Variants in MND1 observed in about 807,000 individuals in gnomAD.
The protein encoded by MND1 is meiotic nuclear divisions 1, also known as meiotic nuclear division protein 1 homolog.
MND1 carries 28 observed loss-of-function variants against 35.1 expected under a neutral mutation model. The observed-to-expected ratio is 0.80, with a 90% CI of 0.59 to 1.09. The LOEUF (loss-of-function observed/expected upper bound fraction) is 1.09, where lower values mean the gene tolerates loss of function less well. Among genes scored for constraint, MND1 ranks in the 50% least tolerant of loss-of-function variants. The probability of loss-of-function intolerance (pLI) is 0.00; values close to 1 mark genes in which losing one functional copy is unlikely to be tolerated. For synonymous variants in MND1, 69 were observed against 70.5 expected (o/e 0.98, Z 0.11); for missense variants, 213 against 239.6 (o/e 0.89, Z 0.73).
chr4:153,386,170 TG>T (rs1728853761), intron 4 of MND1, among the ~76,000 whole-genome samples: 6 of 151,692 alleles, frequency 4.0e-5, no homozygotes. Flanking sequence ...TGAAGTGTTT[TG>T]TTTTTTGTTT....
chr4:153,399,945 A>G (rs1161348230), intron 6 of MND1, among the ~76,000 whole-genome samples: 1 of 127,014 alleles, frequency 7.9e-6, no homozygotes, highest in Non-Finnish European at 1.5e-5. Flanking sequence ...TCTGTCTCCC[A>G]GACTGAAGTG....
chr4:153,378,038 C>T (rs564522448), intron 4 of MND1, among the ~76,000 whole-genome samples: 10 of 152,120 alleles, frequency 6.6e-5, no homozygotes, highest in East Asian at 1.9e-4. Flanking sequence ...ATATCTTAAT[C>T]GTTTTCTATC....
Position 153,355,651 on chromosome 4 carries a change from CAGAA to C in MND1, c.71_74del (p.Lys24MetfsTer5). On this transcript the variant is annotated splice_acceptor_variant and coding_sequence_variant, in exon 3 of 8. Coordinates refer to ENST00000240488, the MANE Select transcript of MND1 (RefSeq NM_032117.4). LOFTEE classifies it high-confidence loss of function. ...TTCATTTTCTTTAAAACCCTTTAAA[CAGAA>C]AGATGTATTTCAATTAAAAGACTTG... 6.4e-7 allele frequency: 1 copy of C among 1,565,270 alleles called. No homozygotes were observed. Among genetic ancestry groups the C allele is most frequent in the Non-Finnish European group, 8.8e-7 (1 of 1,138,742 alleles).
intron 4 of MND1, among the ~76,000 whole-genome samples, chr4:153,372,137 A>C (rs1773804698): frequency 6.6e-6 from 1 of 152,094 alleles, no homozygotes; most frequent in South Asian, 2.1e-4. Context: ...CATCAAGATC[A>C]CAGATCACCG....
intron 4 of MND1, among the ~76,000 whole-genome samples, chr4:153,394,046 C>T (rs1431421847): frequency 1.4e-5 from 2 of 145,192 alleles, no homozygotes; most frequent in Admixed American, 7.1e-5. Context: ...TACAGGTGTG[C>T]GCCACCACAC....
intron 2 of MND1, among the ~76,000 whole-genome samples, chr4:153,353,387 T>G (rs1311868795): frequency 7.2e-5 from 10 of 139,494 alleles, no homozygotes; most frequent in Non-Finnish European, 1.4e-4. Flanking sequence ...TCACATTTTA[T>G]TCTACTGACT....
intron 7 of MND1, among the ~76,000 whole-genome samples, chr4:153,411,345 G>T (rs1011880174): frequency 6.6e-6 from 1 of 151,996 alleles, no homozygotes; most frequent in Non-Finnish European, 1.5e-5. Flanking sequence ...CAGAAATTCT[G>T]CCCGTCTTAA....
chr4:153,346,496 A>G (rs1014822954), intron 1 of MND1, among the ~76,000 whole-genome samples: 2 of 152,230 alleles, frequency 1.3e-5, no homozygotes, highest in Non-Finnish European at 2.9e-5. Context: ...TATTAGATAA[A>G]TCCTCATTGA....
At chr4:153,377,211 A>G (rs1728535415) in intron 4 of MND1, among the ~76,000 whole-genome samples, 1 of 152,220 alleles carries the variant, frequency 6.6e-6, no homozygotes, top group South Asian at 2.1e-4. Flanking sequence ...TTTGAAATCC[A>G]TACTAAGCTG....
At chr4:153,363,100 T>G in intron 4 of MND1, 1 of 719,592 alleles carries the variant, frequency 1.4e-6, no homozygotes, top group Non-Finnish European at 1.7e-6. Context: ...CTAGCTCTCC[T>G]TGTCTCATGA....
chr4:153,414,097 C>T (rs149628500), intron 7 of MND1, among the ~76,000 whole-genome samples: 80 of 152,120 alleles, frequency 5.3e-4, no homozygotes, highest in African/African-American at 1.9e-3. Flanking sequence ...GAATGTGTTC[C>T]CTTTGGGAAT....
In MND1 at chr4:153,354,583, G is replaced by A. The variant is rs565272621; in HGVS notation, c.70-1071G>A. ...AGTGGCACAGTCATAGCTTACTGCA[G>A]CCTCAACCTCCCAGGCTCAAGCTAT... On this transcript the variant is annotated intron_variant, in intron 2 of 7. Transcript: ENST00000240488. 3.3e-5 allele frequency among the ~76,000 whole-genome samples: 5 copies of A among 152,220 alleles called. No individual in the cohort carries two copies. In the East Asian group the frequency reaches 9.7e-4, roughly 29 times the overall value.
intron 4 of MND1, among the ~76,000 whole-genome samples, chr4:153,373,455 A>G (rs970529277): frequency 1.6e-4 from 24 of 152,182 alleles, no homozygotes; most frequent in African/African-American, 5.1e-4. Flanking sequence ...ATTTCACATA[A>G]TTTCTACTTA....
chr4:153,355,094 G>A (rs987658416), intron 2 of MND1, among the ~76,000 whole-genome samples: 3 of 152,048 alleles, frequency 2.0e-5, no homozygotes, highest in Non-Finnish European at 4.4e-5. Flanking sequence ...AGCCCTGGAG[G>A]TCAAGGCTGC....
chr4:153,361,841 GAAAAA>G (rs58481872), intron 4 of MND1, among the ~76,000 whole-genome samples: 1 of 148,292 alleles, frequency 6.7e-6, no homozygotes, highest in Admixed American at 6.7e-5. Context: ...CAAAAAAAAA[GAAAAA>G]AAAAAGAAAA....
chr4:153,409,534 A>G (rs1165271758), intron 7 of MND1, among the ~76,000 whole-genome samples: 1 of 152,128 alleles, frequency 6.6e-6, no homozygotes, highest in East Asian at 1.9e-4. Flanking sequence ...GTCCAAGGCC[A>G]CACATGTGTC....
chr4:153,390,792 G>A (rs913347678), intron 4 of MND1, among the ~76,000 whole-genome samples: 2 of 151,976 alleles, frequency 1.3e-5, no homozygotes, highest in Non-Finnish European at 2.9e-5. Flanking sequence ...AGGTTGCAGT[G>A]AGCCAAGTTC....
chr4:153,409,143 C>A, intron 7 of MND1, 128 bp downstream of exon 7: 2 of 333,452 alleles, frequency 6.0e-6, no homozygotes, highest in Non-Finnish European at 5.5e-6. Context: ...ATGCATTACT[C>A]AAATGTTTAC....
chr4:153,359,710 A>C (rs1218956103), intron 4 of MND1, among the ~76,000 whole-genome samples: 3 of 151,558 alleles, frequency 2.0e-5, no homozygotes, highest in Non-Finnish European at 1.5e-5. Flanking sequence ...AGCCATTCTA[A>C]TAGATGTGTA....
Sources: allele counts gnomAD v4.1 joint callset (sites outside exome capture counted in the v4.1 genomes callset), GRCh38; gene constraint gnomAD v4.1.1; transcripts MANE v1.5; gene names NCBI Gene and HGNC (gene_info 2026-07-23, HGNC 2026-07-21).